PROM1: variants seen among roughly 807,000 people sequenced by gnomAD.
PROM1 encodes prominin-1.
Under a neutral mutation model 116.9 loss-of-function variants are expected in PROM1, and 105 were observed. The ratio of observed to expected loss-of-function variants is 0.90; its 90% CI spans 0.77 to 1.06. PROM1 has a LOEUF of 1.06. PROM1 is among the 50% of genes least tolerant of loss of function. The pLI is 0.00. For missense variants in PROM1, 1,122 were observed against 1,045.2 expected, an observed-to-expected ratio of 1.07 and a Z score of -1.01; for synonymous variants, 393 against 387.0, an observed-to-expected ratio of 1.02 and a Z score of -0.18.
chr4:15,970,106 C>T (rs1195131044), intron 27 of PROM1, among the ~76,000 whole-genome samples: 1 of 151,926 alleles, frequency 6.6e-6, no homozygotes, highest in Non-Finnish European at 1.5e-5. Context: ...GCTGGGACTA[C>T]AGGCAGGTAC....
chr4:16,038,132 C>T (rs1734345155), intron 3 of PROM1: 1 of 152,228 alleles, frequency 6.6e-6, no homozygotes, highest in Admixed American at 6.5e-5. Flanking sequence ...AAGGTCCCTG[C>T]TATCTGTCTT....
At chr4:15,979,252 A>G (rs561568765) in intron 26 of PROM1, 143 bp downstream of exon 26, 3 of 1,300,564 alleles carry the variant, frequency 2.3e-6, no homozygotes, top group Middle Eastern at 1.9e-4. Flanking sequence ...CACTATGTAG[A>G]GCATGATTGG....
chr4:15,993,916 G>C, intron 16 of PROM1, 71 bp downstream of exon 16: 1 of 1,550,148 alleles, frequency 6.5e-7, no homozygotes, highest in Non-Finnish European at 8.7e-7. Flanking sequence ...TCAATTTCCA[G>C]AAAAGAAAGA....
intron 1 of PROM1, among the ~76,000 whole-genome samples, chr4:16,076,819 G>A (rs1443870238): frequency 1.3e-5 from 2 of 152,202 alleles, no homozygotes; most frequent in Non-Finnish European, 2.9e-5. Context: ...AACATGTGCT[G>A]TGTCCACTCA....
Position 16,016,227 on chromosome 4 carries a change from T to C in PROM1, c.1016A>G (p.Asp339Gly). ...NPELRQLPPV[D>G]AELDNVNNVL... ...GTTATTAACGTTGTCAAGTTCTGCA[T>C]CCACGGGTGGAAGCTGAAAATTTAT... The change falls in exon 10 of 28, where the codon GAT becomes GGT. Residue 339 changes from aspartate (D) to glycine (G), a missense_variant. Physicochemically the swap from Asp to Gly is moderately conservative, Grantham distance 94. Coordinates refer to ENST00000447510, the MANE Select transcript of PROM1 (RefSeq NM_006017.3). The C allele has an allele frequency of 1.3e-6, 2 of 1,551,756 alleles. No individual in the cohort carries two copies. The highest frequency in any genetic ancestry group is 2.4e-5 in the East Asian group (1 of 41,140).
intron 15 of PROM1, among the ~76,000 whole-genome samples, chr4:15,995,130 A>C (rs1314295660): frequency 1.3e-5 from 2 of 152,176 alleles, no homozygotes; most frequent in Non-Finnish European, 2.9e-5. Flanking sequence ...ACCTCGGTTG[A>C]CTATCAATGT....
At chr4:15,977,034 C>G (rs1208707862) in intron 26 of PROM1, among the ~76,000 whole-genome samples, 1 of 152,232 alleles carries the variant, frequency 6.6e-6, no homozygotes, top group Non-Finnish European at 1.5e-5. Context: ...CATGCTTGAT[C>G]CAGAGCTCCT....
intron 24 of PROM1, 53 bp from the exon 25 acceptor site, chr4:15,979,957 G>T: frequency 9.2e-7 from 1 of 1,084,566 alleles, no homozygotes; most frequent in Non-Finnish European, 1.3e-6. Flanking sequence ...TATTATGAAA[G>T]CTCAGCAACT....
intron 13 of PROM1, 100 bp from the exon 14 acceptor site, chr4:16,000,719 G>T (rs1723579784): frequency 1.9e-6 from 2 of 1,036,448 alleles, no homozygotes; most frequent in Non-Finnish European, 2.6e-6. Flanking sequence ...TAGCCCTGGG[G>T]TCTTCAGTGT....
chr4:16,082,312 A>G (rs996402375), intron 1 of PROM1: 6 of 149,226 alleles, frequency 4.0e-5, no homozygotes, highest in Non-Finnish European at 8.9e-5. Flanking sequence ...TTATGATTCA[A>G]CCCAACATAT....
At chr4:16,038,900 C>G in intron 3 of PROM1, 46 bp downstream of exon 3, 1 of 1,433,746 alleles carries the variant, frequency 7.0e-7, no homozygotes, top group Non-Finnish European at 9.2e-7. Flanking sequence ...CAAAATTTTT[C>G]TCATACTTCG....
chr4:15,989,773 T>G lies in PROM1; in HGVS notation c.2035A>C (p.Thr679Pro). Residue 679 changes from threonine (T) to proline (P), a missense_variant, in exon 19 of 28, where the codon ACA becomes CCA. Coordinates refer to ENST00000447510, the MANE Select transcript of PROM1 (RefSeq NM_006017.3). The part of the protein sequence containing the change: ...SLKRDAQTIK[T>P]IHQQRVLPIE... ...GGAAGGACTCGTTGCTGGTGAATTGTTTTAATAGTTTGTGCATCTCTTTTC... is the reference window on the plus strand; with the variant it reads ...GGAAGGACTCGTTGCTGGTGAATTGGTTTAATAGTTTGTGCATCTCTTTTC... 1 of 1,610,118 alleles carries G rather than the reference T, an allele frequency of 6.2e-7. No homozygotes were observed. The highest frequency in any genetic ancestry group is 8.5e-7 in the Non-Finnish European group (1 of 1,177,830).
At chr4:15,976,274 C>T (rs1215298389) in intron 26 of PROM1, 7 of 440,490 alleles carry the variant, frequency 1.6e-5, no homozygotes, top group Non-Finnish European at 3.2e-5. Context: ...TGTTTTCTAA[C>T]ATTTTCCTGT....
At chr4:16,033,539 A>G in intron 4 of PROM1, 30 bp from the exon 5 acceptor site, 1 of 1,367,792 alleles carries the variant, frequency 7.3e-7, no homozygotes, top group South Asian at 1.3e-5. Flanking sequence ...AACAGCACAT[A>G]TTGTAGCACA....
intron 2 of PROM1, among the ~76,000 whole-genome samples, chr4:16,074,288 T>C (rs1271421282): frequency 6.6e-6 from 1 of 152,206 alleles, no homozygotes; most frequent in African/African-American, 2.4e-5. Context: ...ATGTGATTAT[T>C]ACACATTGCA....
At chr4:16,037,788 C>G (rs1734276293) in intron 3 of PROM1, among the ~76,000 whole-genome samples, 1 of 152,174 alleles carries the variant, frequency 6.6e-6, no homozygotes, top group Non-Finnish European at 1.5e-5. Context: ...CATGGGCAAC[C>G]TACAGTCATA....
intron 8 of PROM1, among the ~76,000 whole-genome samples, chr4:16,022,239 G>A (rs568537632): frequency 6.6e-6 from 1 of 152,276 alleles, no homozygotes; most frequent in South Asian, 2.1e-4. Flanking sequence ...TGGTCTCTGA[G>A]GTCATATCCC....
intron 13 of PROM1, chr4:16,003,381 A>G (rs1270397057): frequency 2.2e-6 from 1 of 456,772 alleles, no homozygotes; most frequent in Admixed American, 2.3e-5. Flanking sequence ...TTATTCGGCA[A>G]AGAGCATCAT....
At chr4:16,048,811 C>T (rs1486787651) in intron 2 of PROM1, among the ~76,000 whole-genome samples, 1 of 152,190 alleles carries the variant, frequency 6.6e-6, no homozygotes, top group Non-Finnish European at 1.5e-5. Context: ...AGCTTCCTGG[C>T]AGCCATGTGC....
Sources: gnomAD v4.1 joint callset for allele counts (sites outside exome capture counted in the v4.1 genomes callset) on GRCh38, gnomAD v4.1.1 for gene constraint, MANE v1.5 for transcripts, NCBI Gene and HGNC (gene_info 2026-07-23, HGNC 2026-07-21) for gene names.